SEMA3A: variants seen among roughly 807,000 people sequenced by gnomAD.
The protein encoded by SEMA3A is semaphorin 3A, also known as semaphorin-3A.
Under a neutral mutation model 97.9 loss-of-function variants are expected in SEMA3A, and 29 were observed. The observed-to-expected ratio is 0.30, with a 90% confidence interval of 0.22 to 0.40. SEMA3A has a LOEUF of 0.40. Among genes scored for constraint, SEMA3A ranks in the 10% least tolerant of loss-of-function variants. SEMA3A has a pLI of 1.00. For missense variants in SEMA3A, 763 were observed against 951.3 expected (o/e 0.80, Z 2.60); for synonymous variants, 321 against 323.7 (o/e 0.99, Z 0.09).
chr7:84,079,970 T>C (rs1353014403), intron 4 of SEMA3A, among the ~76,000 whole-genome samples: 1 of 145,122 alleles, frequency 6.9e-6, no homozygotes, highest in African/African-American at 2.7e-5. Context: ...CCAACAATGA[T>C]AGACTGGATT....
intron 2 of SEMA3A, among the ~76,000 whole-genome samples, chr7:84,367,124 G>C (rs1426355783): frequency 1.3e-5 from 2 of 151,218 alleles, no homozygotes; most frequent in African/African-American, 4.8e-5. Context: ...CTCAAGTAAG[G>C]GTCAGCAAGG....
intron 15 of SEMA3A, among the ~76,000 whole-genome samples, chr7:83,964,310 T>A: frequency 6.6e-6 from 1 of 152,186 alleles, no homozygotes; most frequent in East Asian, 1.9e-4. Flanking sequence ...AAATAATAAA[T>A]ATGTTTTACA....
chr7:84,026,860 A>C (rs1199234562), intron 6 of SEMA3A, among the ~76,000 whole-genome samples: 2 of 152,136 alleles, frequency 1.3e-5, no homozygotes, highest in African/African-American at 2.4e-5. Flanking sequence ...GGAGGGTGGG[A>C]AAAGGGAGAG....
intron 11 of SEMA3A, 101 bp downstream of exon 11, chr7:84,005,238 C>A: frequency 1.2e-6 from 1 of 825,652 alleles, no homozygotes; most frequent in Non-Finnish European, 2.0e-6. Context: ...TTCAACTGCA[C>A]AGAGGGTTGG....
At chr7:84,400,756 A>C (rs945446579) in intron 1 of SEMA3A, among the ~76,000 whole-genome samples, 1 of 152,238 alleles carries the variant, frequency 6.6e-6, no homozygotes, top group Non-Finnish European at 1.5e-5. Context: ...CTAGATGAAG[A>C]CATATTCTTT....
intron 3 of SEMA3A, among the ~76,000 whole-genome samples, chr7:84,288,571 G>A (rs772516833): frequency 2.0e-5 from 3 of 152,016 alleles, no homozygotes; most frequent in Non-Finnish European, 4.4e-5. Flanking sequence ...GGAGGTGCAC[G>A]CCTGTAGTCC....
chr7:84,428,504 C>T (rs1804884748), intron 1 of SEMA3A, among the ~76,000 whole-genome samples: 1 of 151,992 alleles, frequency 6.6e-6, no homozygotes, highest in Admixed American at 6.6e-5. Context: ...TCATTCTACT[C>T]TAGTTGTTCA....
At chr7:84,052,653 A>C (rs1250033958) in intron 5 of SEMA3A, among the ~76,000 whole-genome samples, 2 of 151,936 alleles carry the variant, frequency 1.3e-5, no homozygotes, top group African/African-American at 4.8e-5. Flanking sequence ...TGATCCTTTC[A>C]AAAAACCAGC....
chr7:84,165,672 C>A (rs1458791314), intron 1 of SEMA3A, among the ~76,000 whole-genome samples: 3 of 152,044 alleles, frequency 2.0e-5, no homozygotes, highest in African/African-American at 7.2e-5. Context: ...CCTGACTCAG[C>A]CTCCCGAGTA....
intron 1 of SEMA3A, among the ~76,000 whole-genome samples, chr7:84,481,551 C>A (rs1806446780): frequency 6.6e-6 from 1 of 152,082 alleles, no homozygotes; most frequent in African/African-American, 2.4e-5. Context: ...AAATTTATAT[C>A]TTTGATTTCA....
intron 3 of SEMA3A, among the ~76,000 whole-genome samples, chr7:84,115,074 A>C (rs1795384789): frequency 6.6e-6 from 1 of 152,110 alleles, no homozygotes; most frequent in Admixed American, 6.6e-5. Flanking sequence ...AACTTTCCAC[A>C]TCAATGCTTT....
At chr7:84,151,181 G>A (rs1002611866) in intron 1 of SEMA3A, among the ~76,000 whole-genome samples, 48 of 151,972 alleles carry the variant, frequency 3.2e-4, no homozygotes, top group Admixed American at 6.6e-4. Flanking sequence ...AAATCAGAGC[G>A]CCTCTCCTCC....
intron 2 of SEMA3A, among the ~76,000 whole-genome samples, chr7:84,322,190 C>T (rs1169564458): frequency 2.6e-5 from 4 of 151,824 alleles, no homozygotes; most frequent in Admixed American, 2.6e-4. Flanking sequence ...GCCCTTGACA[C>T]ATGGAGATTA....
At chr7:84,224,512 A>G (rs1224493223) in intron 3 of SEMA3A, among the ~76,000 whole-genome samples, 1 of 152,060 alleles carries the variant, frequency 6.6e-6, no homozygotes, top group Non-Finnish European at 1.5e-5. Context: ...TTTAAAAAAA[A>G]CAGACAACAT....
rs759141801 is a variant in SEMA3A, at chr7:84,194,480, T to C, written c.107A>G (p.Tyr36Cys). The C allele has an allele frequency of 6.3e-7, 1 of 1,595,760 alleles. No individual in the cohort carries two copies. The highest frequency in any genetic ancestry group is 8.6e-7 in the Non-Finnish European group (1 of 1,163,396). Residue 36 changes from tyrosine to cysteine, a missense_variant, in exon 1 of 17, where the codon TAC (tyrosine) becomes TGC (cysteine). This residue lies in a region of SEMA3A where 85 missense variants were observed against 70.0 expected (regional missense o/e 1.21). Transcript: ENST00000265362. Reference protein sequence around the residue: ...KNNVPRLKLSYKEMLESNNVI... With the variant: ...KNNVPRLKLSCKEMLESNNVI... The stretch of plus-strand genomic sequence containing the variant: ...AAAAGAAAAATAAGATTTACCTTTG[T>C]AGGATAATTTCAGCCTTGGCACATT...
intron 6 of SEMA3A, among the ~76,000 whole-genome samples, chr7:84,044,688 TA>T (rs1004483667): frequency 2.0e-5 from 3 of 151,894 alleles, no homozygotes; most frequent in African/African-American, 7.3e-5. Flanking sequence ...AGGTTTAAAG[TA>T]AAGGTAGTGA....
chr7:84,099,760 T>G (rs181399379), intron 4 of SEMA3A, among the ~76,000 whole-genome samples: 1 of 152,288 alleles, frequency 6.6e-6, no homozygotes, highest in Admixed American at 6.5e-5. Flanking sequence ...ATTTGAGAAT[T>G]GTAATTTTAC....
chr7:84,170,568 G>A (rs1437204253), intron 1 of SEMA3A, among the ~76,000 whole-genome samples: 1 of 151,952 alleles, frequency 6.6e-6, no homozygotes, highest in Non-Finnish European at 1.5e-5. Context: ...TTTATATGGA[G>A]AGAGTTTTCA....
intron 1 of SEMA3A, among the ~76,000 whole-genome samples, chr7:84,378,900 A>G (rs1221322880): frequency 7.6e-6 from 1 of 131,818 alleles, no homozygotes; most frequent in Non-Finnish European, 1.6e-5. Context: ...CTCTCCATAT[A>G]TATTTTTGTT....
Sources: gnomAD v4.1 joint callset for allele counts (sites outside exome capture counted in the v4.1 genomes callset) on GRCh38, gnomAD v4.1.1 for gene constraint, gnomAD v4.1.1 regional missense constraint, MANE v1.5 for transcripts, NCBI Gene and HGNC (gene_info 2026-07-23, HGNC 2026-07-21) for gene names.